Variants in ABCA13 observed in about 807,000 individuals in gnomAD.
ABCA13 encodes the protein ATP-binding cassette sub-family A member 13.
Under a neutral mutation model 478.7 loss-of-function variants are expected in ABCA13, and 476 were observed. The observed-to-expected ratio is 0.99, with a 90% CI of 0.92 to 1.07. The LOEUF is 1.07. Ranked by LOEUF, ABCA13 falls within the 50% of genes least tolerant of loss-of-function variation. The probability of loss-of-function intolerance (pLI) is 0.00; values close to 1 mark genes in which losing one functional copy is unlikely to be tolerated. For synonymous variants in ABCA13, 2,252 were observed against 2,158.9 expected, an observed-to-expected ratio of 1.04 and a Z score of -1.20; for missense variants, 6,060 against 5,910.6, an observed-to-expected ratio of 1.03 and a Z score of -0.83.
intron 16 of ABCA13, among the ~76,000 whole-genome samples, chr7:48,270,017 A>G (rs183324804): frequency 6.6e-6 from 1 of 152,292 alleles, no homozygotes; most frequent in East Asian, 1.9e-4. Context: ...AACCAGCACA[A>G]AACTAGTCTA....
At chr7:48,545,300 G>C in intron 55 of ABCA13, among the ~76,000 whole-genome samples, 1 of 151,564 alleles carries the variant, frequency 6.6e-6, no homozygotes, top group East Asian at 1.9e-4. Flanking sequence ...AAGATAATAG[G>C]AAAACATTAA....
At chr7:48,386,232 C>A (rs1815169133) in intron 35 of ABCA13, among the ~76,000 whole-genome samples, 1 of 152,100 alleles carries the variant, frequency 6.6e-6, no homozygotes, top group Non-Finnish European at 1.5e-5. Flanking sequence ...TCACAGAAAT[C>A]AGAGATGACA....
intron 42 of ABCA13, among the ~76,000 whole-genome samples, chr7:48,451,090 C>T (rs530622783): frequency 2.3e-4 from 34 of 151,076 alleles, no homozygotes; most frequent in Middle Eastern, 3.4e-3. Flanking sequence ...CTCCGCCTCC[C>T]TGTTTCAAGT....
At chr7:48,242,187 G>A (rs1400219774) in intron 10 of ABCA13, among the ~76,000 whole-genome samples, 1 of 151,960 alleles carries the variant, frequency 6.6e-6, no homozygotes, top group Admixed American at 6.6e-5. Flanking sequence ...AATCTCGAAT[G>A]CCCCCTGGCA....
intron 44 of ABCA13, among the ~76,000 whole-genome samples, chr7:48,469,644 T>C (rs1414680221): frequency 1.3e-5 from 2 of 152,030 alleles, no homozygotes; most frequent in Non-Finnish European, 2.9e-5. Context: ...CTTCTGCCTC[T>C]GTCTTCGAGA....
chr7:48,538,796 G>A (rs1213571553), intron 55 of ABCA13, among the ~76,000 whole-genome samples: 1 of 152,040 alleles, frequency 6.6e-6, no homozygotes, highest in South Asian at 2.1e-4. Flanking sequence ...AGACACCATA[G>A]TTTAATCTTG....
At chr7:48,283,772 A>G (rs1797363116) in intron 19 of ABCA13, among the ~76,000 whole-genome samples, 1 of 152,158 alleles carries the variant, frequency 6.6e-6, no homozygotes, top group Admixed American at 6.5e-5. Context: ...TGCCCCAAAT[A>G]TCTTTGAGGG....
intron 55 of ABCA13, among the ~76,000 whole-genome samples, chr7:48,531,045 G>A (rs1833195368): frequency 6.6e-6 from 1 of 151,870 alleles, no homozygotes; most frequent in African/African-American, 2.4e-5. Context: ...TTTGGTTCTT[G>A]GTCATGCAGT....
chr7:48,499,739 G>T (rs1314412620), intron 48 of ABCA13, among the ~76,000 whole-genome samples: 1 of 152,174 alleles, frequency 6.6e-6, no homozygotes, highest in Non-Finnish European at 1.5e-5. Flanking sequence ...AACTTGTGAA[G>T]TAATGTCGTA....
At chr7:48,283,755 G>T (rs1401048302) in intron 19 of ABCA13, among the ~76,000 whole-genome samples, 1 of 152,124 alleles carries the variant, frequency 6.6e-6, no homozygotes, top group East Asian at 1.9e-4. Flanking sequence ...GACTGGTAAG[G>T]CTTTATTGCC....
intron 9 of ABCA13, among the ~76,000 whole-genome samples, chr7:48,240,404 G>T (rs1385466356): frequency 6.6e-6 from 1 of 152,088 alleles, no homozygotes; most frequent in African/African-American, 2.4e-5. Flanking sequence ...ATCTATTTTT[G>T]TGTAATGTTG....
chr7:48,372,164 G>T lies in ABCA13; in HGVS notation c.10804-4G>T, dbSNP rs1317202768. 1.2e-6 allele frequency: 2 copies of T among 1,603,994 alleles called. No homozygotes were observed. The highest frequency in any genetic ancestry group is 8.5e-7 in the Non-Finnish European group (1 of 1,174,134). On this transcript the variant is annotated splice_polypyrimidine_tract_variant and splice_region_variant and intron_variant, in intron 32 of 61. Coordinates refer to ENST00000435803, the MANE Select transcript of ABCA13 (RefSeq NM_152701.5). ...TAACCTTGGGTTTTTTCTCTTTTTGGTAGTATATGCGGATGATGGGAGTGC... is the reference window on the plus strand; with the variant it reads ...TAACCTTGGGTTTTTTCTCTTTTTGTTAGTATATGCGGATGATGGGAGTGC...
At chr7:48,491,998 A>C (rs187195488) in intron 48 of ABCA13, among the ~76,000 whole-genome samples, 1 of 152,286 alleles carries the variant, frequency 6.6e-6, no homozygotes, top group East Asian at 1.9e-4. Context: ...TACACGGACA[A>C]TATATCACAC....
chr7:48,544,671 A>G (rs1326448921), intron 55 of ABCA13, among the ~76,000 whole-genome samples: 1 of 151,792 alleles, frequency 6.6e-6, no homozygotes, highest in Admixed American at 6.6e-5. Context: ...TATCTTTTGT[A>G]ATAGTCTTTG....
chr7:48,418,134 C>T (rs1284154379), intron 41 of ABCA13, among the ~76,000 whole-genome samples: 1 of 152,138 alleles, frequency 6.6e-6, no homozygotes, highest in Admixed American at 6.5e-5. Flanking sequence ...ATGAACAAAG[C>T]TGCTATAAAT....
At chr7:48,308,141 G>A (rs976408277) in intron 23 of ABCA13, among the ~76,000 whole-genome samples, 1 of 151,652 alleles carries the variant, frequency 6.6e-6, no homozygotes, top group Non-Finnish European at 1.5e-5. Context: ...TTTTAAAATC[G>A]TATTTTTAAA....
intron 3 of ABCA13, among the ~76,000 whole-genome samples, chr7:48,208,448 T>G (rs1785205998): frequency 6.6e-6 from 1 of 152,148 alleles, no homozygotes; most frequent in African/African-American, 2.4e-5. Flanking sequence ...ACGGAACATC[T>G]TTCTAACTTT....
chr7:48,253,927 G>A (rs112121989), intron 15 of ABCA13, among the ~76,000 whole-genome samples: 115 of 150,476 alleles, frequency 7.6e-4, no homozygotes, highest in African/African-American at 2.7e-3. Flanking sequence ...CTGTACTTAC[G>A]TGTGTGTGTG....
At chr7:48,500,477 G>C (rs1403182490) in intron 48 of ABCA13, among the ~76,000 whole-genome samples, 1 of 151,930 alleles carries the variant, frequency 6.6e-6, no homozygotes, top group Non-Finnish European at 1.5e-5. Flanking sequence ...GTAACTCCAA[G>C]TCCATCTTCC....
Sources: allele counts gnomAD v4.1 joint callset (sites outside exome capture counted in the v4.1 genomes callset), GRCh38; gene constraint gnomAD v4.1.1; transcripts MANE v1.5; gene names NCBI Gene and HGNC (gene_info 2026-07-23, HGNC 2026-07-21).